Variants in NEK5 observed in about 807,000 individuals in gnomAD.
NEK5 encodes the protein NIMA related kinase 5.
NEK5 carries 88 observed loss-of-function variants against 109.2 expected under a neutral mutation model. The observed-to-expected ratio is 0.81, with a 90% confidence interval of 0.68 to 0.96. The LOEUF is 0.96. NEK5 is among the 40% of genes least tolerant of loss of function. The pLI, the probability that NEK5 is intolerant of heterozygous loss-of-function variation, is 0.00. For missense variants in NEK5, 834 were observed against 920.7 expected (o/e 0.91, Z 1.22); for synonymous variants, 283 against 299.9 (o/e 0.94, Z 0.58).
At chr13:52,078,478 T>G (rs527444366) in intron 17 of NEK5, among the ~76,000 whole-genome samples, 3 of 152,326 alleles carry the variant, frequency 2.0e-5, no homozygotes, top group Admixed American at 2.0e-4. Context: ...GTGATGGATA[T>G]GTTCACTATA....
intron 14 of NEK5, among the ~76,000 whole-genome samples, chr13:52,087,696 G>A (rs1007426912): frequency 2.0e-5 from 3 of 151,920 alleles, no homozygotes; most frequent in Non-Finnish European, 2.9e-5. Context: ...CATGATCTTG[G>A]CTCACTGCAG....
intron 23 of NEK5, among the ~76,000 whole-genome samples, chr13:52,048,229 AACATC>A (rs1451952280): frequency 2.0e-5 from 3 of 152,190 alleles, no homozygotes; most frequent in African/African-American, 7.2e-5. Flanking sequence ...TATGTATTGA[AACATC>A]ACTGTGTATC....
chr13:52,066,188 T>C (rs947031074), intron 20 of NEK5, among the ~76,000 whole-genome samples: 1 of 152,180 alleles, frequency 6.6e-6, no homozygotes, highest in African/African-American at 2.4e-5. Context: ...TTATTAAGTA[T>C]TCTTCTATAC....
At chr13:52,126,643 G>C (rs998894543) in intron 3 of NEK5, among the ~76,000 whole-genome samples, 30 of 152,168 alleles carry the variant, frequency 2.0e-4, no homozygotes, top group African/African-American at 7.2e-4. Context: ...TCCAGGCATG[G>C]TGGCATGCAC....
chr13:52,092,969 G>A (rs1433008167), intron 13 of NEK5, 85 bp downstream of exon 13: 14 of 880,526 alleles, frequency 1.6e-5, no homozygotes, highest in Admixed American at 2.4e-5. Flanking sequence ...TTTGTGTTAG[G>A]AGAATTTGGA....
chr13:52,083,864 C>T (rs936567145), intron 16 of NEK5, among the ~76,000 whole-genome samples: 1 of 152,136 alleles, frequency 6.6e-6, no homozygotes, highest in Non-Finnish European at 1.5e-5. Flanking sequence ...TTGCAGGGCT[C>T]AGGCTGCCCA....
At chr13:52,106,844 A>G (rs1462862366) in intron 8 of NEK5, among the ~76,000 whole-genome samples, 1 of 152,090 alleles carries the variant, frequency 6.6e-6, no homozygotes, top group Non-Finnish European at 1.5e-5. Flanking sequence ...TAAAGCTGGA[A>G]GACACCTTGA....
intron 17 of NEK5, among the ~76,000 whole-genome samples, chr13:52,080,441 G>T (rs1954980928): frequency 6.6e-6 from 1 of 152,136 alleles, no homozygotes; most frequent in Non-Finnish European, 1.5e-5. Flanking sequence ...CGGTTTTGTG[G>T]AATAGAAAGA....
Position 52,102,028 on chromosome 13 carries a change from C to A in NEK5, c.811-14G>T. The stretch of plus-strand genomic sequence containing the variant: ...TTCCTGAATGACCTAAAACCGAACA[C>A]ACGTGTCAAGGACCTGCAACCCAAA... On this transcript the variant is annotated splice_polypyrimidine_tract_variant and intron_variant, in intron 10 of 23. Transcript: ENST00000684899. The A allele has an allele frequency of 6.2e-7, 1 of 1,613,692 alleles. No individual in the cohort carries two copies. Among genetic ancestry groups the A allele is most frequent in the Admixed American group, 1.7e-5 (1 of 60,016 alleles).
intron 12 of NEK5, among the ~76,000 whole-genome samples, chr13:52,097,205 G>C (rs1301695481): frequency 6.6e-6 from 1 of 152,232 alleles, no homozygotes; most frequent in Non-Finnish European, 1.5e-5. Context: ...TACTAGGGCA[G>C]TGCAGAGGGG....
intron 22 of NEK5, 75 bp downstream of exon 22, chr13:52,061,744 T>A: frequency 3.7e-6 from 2 of 540,678 alleles, no homozygotes; most frequent in Non-Finnish European, 4.7e-6. Flanking sequence ...GGTATTTTTA[T>A]CCCCTTTCAG....
chr13:52,054,572 G>A (rs1311757806), intron 22 of NEK5, among the ~76,000 whole-genome samples: 1 of 152,228 alleles, frequency 6.6e-6, no homozygotes, highest in Non-Finnish European at 1.5e-5. Context: ...GAAGAGAGCA[G>A]TGGTTCTCCC....
chr13:52,098,996 G>C lies in NEK5; in HGVS notation c.1026+747C>G, dbSNP rs776470171. On this transcript the variant is annotated intron_variant, in intron 12 of 23. Transcript: ENST00000684899. ...AAAGAATGAATAAGACCTACTATTT[G>C]ATAGCACAATAGACTGCCTATGGTC... Among the ~76,000 whole-genome samples the C allele has an allele frequency of 1.6e-4, 25 of 152,236 alleles. No individual in the cohort carries two copies. The Middle Eastern group carries it at 0.01, about 62-fold the overall frequency.
At chr13:52,046,313 CAAA>C (rs749444747) in intron 23 of NEK5, among the ~76,000 whole-genome samples, 2 of 97,172 alleles carry the variant, frequency 2.1e-5, no homozygotes, top group Admixed American at 1.1e-4. Context: ...CCTGTCTCTA[CAAA>C]AAAAAAAAAA....
intron 8 of NEK5, among the ~76,000 whole-genome samples, chr13:52,107,880 G>T (rs923090528): frequency 6.6e-6 from 1 of 151,990 alleles, no homozygotes; most frequent in African/African-American, 2.4e-5. Flanking sequence ...GACCCATTTA[G>T]ATTAAGTAAG....
chr13:52,061,372 C>G (rs528042289), intron 22 of NEK5, among the ~76,000 whole-genome samples: 13 of 151,978 alleles, frequency 8.6e-5, no homozygotes, highest in Non-Finnish European at 7.4e-5. Flanking sequence ...GTCTGCGGCC[C>G]GAGGGTTGGG....
At chr13:52,079,586 T>C (rs1384550611) in intron 17 of NEK5, among the ~76,000 whole-genome samples, 10 of 151,802 alleles carry the variant, frequency 6.6e-5, no homozygotes, top group African/African-American at 2.4e-4. Context: ...GCAGACGGAG[T>C]CTGGTTCACT....
chr13:52,054,209 G>A (rs1423285370), intron 22 of NEK5, among the ~76,000 whole-genome samples: 1 of 152,206 alleles, frequency 6.6e-6, no homozygotes, highest in Non-Finnish European at 1.5e-5. Flanking sequence ...TTCACAAACT[G>A]TAGAAATGAT....
rs113982174 is a variant in NEK5, at chr13:52,086,335, C to T, written c.1421G>A (p.Arg474His). 1.6e-5 allele frequency: 26 copies of T among 1,612,298 alleles called. No individual in the cohort carries two copies. The Admixed American group carries it at 2.3e-4, about 14-fold the overall frequency. The change falls in exon 16 of 24, where the codon CGC (arginine) becomes CAC (histidine). Residue 474 changes from arginine to histidine, a missense_variant. Arg to His is a conservative substitution (Grantham distance 29, BLOSUM62 0). Around this residue, in one of 2 missense-constraint regions of NEK5, gnomAD observed 777 missense variants for 824.7 expected, o/e 0.94. Transcript: ENST00000684899. ...TTTCATGTCATTGTGGTACTGTTGGCGTATTTCCTCTAACTGCTTCCAATA... is the reference window on the plus strand; with the variant it reads ...TTTCATGTCATTGTGGTACTGTTGGTGTATTTCCTCTAACTGCTTCCAATA... ...QEYWKQLEEIRQQYHNDMKEI... is the reference protein window; with the variant it reads ...QEYWKQLEEIHQQYHNDMKEI...
Sources: gnomAD v4.1 joint callset for allele counts (sites outside exome capture counted in the v4.1 genomes callset) on GRCh38, gnomAD v4.1.1 for gene constraint, gnomAD v4.1.1 regional missense constraint, MANE v1.5 for transcripts, NCBI Gene and HGNC (gene_info 2026-07-23, HGNC 2026-07-21) for gene names.